The following UBXN10 variants were observed in gnomAD, a reference collection of about 807,000 sequenced individuals.
UBXN10 encodes UBX domain-containing protein 10.
UBXN10 carries 6 observed loss-of-function variants against 6.9 expected under a neutral mutation model. That is an observed-to-expected ratio of 0.87 (90% CI 0.48 to 1.72). The LOEUF (loss-of-function observed/expected upper bound fraction) is 1.72, where lower values mean the gene tolerates loss of function less well. Ranked by LOEUF, UBXN10 falls within the 40% of genes most tolerant of loss-of-function variation. The probability of loss-of-function intolerance (pLI) is 0.01; values close to 1 mark genes in which losing one functional copy is unlikely to be tolerated. For synonymous variants in UBXN10, 131 were observed against 135.2 expected, an observed-to-expected ratio of 0.97 and a Z score of 0.21; for missense variants, 317 against 348.4, an observed-to-expected ratio of 0.91 and a Z score of 0.72.
chr1:20,186,467 G>A (rs1168828463), intron 1 of UBXN10: 2 of 152,440 alleles, frequency 1.3e-5, no homozygotes, highest in Admixed American at 1.3e-4. Context: ...CACAGACCCA[G>A]GGAGAGAAAA....
rs530516595 is a variant in UBXN10, at chr1:20,193,739, G to A, written c.*2335G>A. On this transcript the variant is annotated 3_prime_UTR_variant, in exon 2 of 2. Transcript: ENST00000375099. ...CAGCACTTAGCTTGTCTGGATAAGA[G>A]TCACCTGAATTTTTCCTAAACATCA... is the stretch of plus-strand genomic sequence containing the variant. The A allele has an allele frequency of 4.2e-4, 71 of 167,100 alleles. No individual in the cohort carries two copies. The highest frequency in any genetic ancestry group is 8.2e-4 in the Non-Finnish European group (56 of 68,134). The allele number at this position is 167,100 out of a possible 1,614,324, so 10.4% of individuals were successfully genotyped here.
upstream of UBXN10, among the ~76,000 whole-genome samples, chr1:20,183,346 A>G (rs1440015805): frequency 6.6e-6 from 1 of 152,218 alleles, no homozygotes; most frequent in Non-Finnish European, 1.5e-5. Context: ...CCCCACGACC[A>G]GTGCAACGGA....
At chr1:20,185,977 C>G (rs1001717750), upstream of UBXN10, 2 of 152,318 alleles carry the variant, frequency 1.3e-5, no homozygotes, top group Non-Finnish European at 2.9e-5. Flanking sequence ...TCACGGCCTC[C>G]GCCCTCCTGG....
chr1:20,190,522 T>C, intron 1 of UBXN10, 25 bp from the exon 2 acceptor site: 1 of 1,578,182 alleles, frequency 6.3e-7, no homozygotes, highest in South Asian at 1.2e-5. Flanking sequence ...ACCCACGGAC[T>C]CCTGTTTTTT....
At chr1:20,190,438 G>C in intron 1 of UBXN10, 109 bp from the exon 2 acceptor site, 2 of 1,412,988 alleles carry the variant, frequency 1.4e-6, no homozygotes, top group Non-Finnish European at 1.9e-6. Flanking sequence ...CCCCTTACTA[G>C]ATGCCAGAAA....
rs184099202 is a variant in UBXN10, at chr1:20,192,649, C to T, written c.*1245C>T. On this transcript the variant is annotated 3_prime_UTR_variant, in exon 2 of 2. Transcript: ENST00000375099. ...CCAAATCATCCTTCAGAGTAGGGAA[C>T]ACTCAGACATTCTGTGCATGTTGTT... 6.0e-6 allele frequency: 1 copy of T among 167,192 alleles called. No individual in the cohort carries two copies. The highest frequency in any genetic ancestry group is 6.5e-5 in the Admixed American group (1 of 15,302). 10.4% of individuals were successfully genotyped at this position (167,192 alleles called of 1,614,324 possible).
At chr1:20,185,478 G>A (rs1038846271), upstream of UBXN10, among the ~76,000 whole-genome samples, 4 of 152,188 alleles carry the variant, frequency 2.6e-5, no homozygotes, top group East Asian at 1.9e-4. Flanking sequence ...CAGATACAGC[G>A]GAAGTGACTC....
chr1:20,192,843 T>G lies in UBXN10; in HGVS notation c.*1439T>G, dbSNP rs556671053. On this transcript the variant is annotated 3_prime_UTR_variant, in exon 2 of 2. Transcript: ENST00000375099. ...AAGCTGCATGGTTGGGAGTGTTTTT[T>G]CTCGCACGTTGAGGCTTAGTGGAGA... 2 of 167,232 alleles carry G rather than the reference T, an allele frequency of 1.2e-5. No individual in the cohort carries two copies. Among genetic ancestry groups the G allele is most frequent in the East Asian group, 3.9e-4 (2 of 5,194 alleles). The allele number at this position is 167,232 out of a possible 1,614,324, so 10.4% of individuals were successfully genotyped here. A position where few individuals can be genotyped will look rare whatever the true frequency, so the allele number is the denominator to read the frequency against.
chr1:20,186,700 C>T (rs959027684), intron 1 of UBXN10, among the ~76,000 whole-genome samples: 9 of 150,556 alleles, frequency 6.0e-5, no homozygotes, highest in Non-Finnish European at 1.0e-4. Flanking sequence ...CTGGAATCAT[C>T]CCCAGTTCTC....
At position 20,191,418 on chromosome 1, in the gene UBXN10, C is replaced by T. The variant is rs1274617749; in HGVS notation, c.*14C>T. The T allele has an allele frequency of 6.2e-7, 1 of 1,600,142 alleles. No homozygotes were observed. Among genetic ancestry groups the T allele is most frequent in the African/African-American group, 1.3e-5 (1 of 74,682 alleles). ...GGGTGGCCCTGAGTCCACAGCCACC[C>T]AGCTGAGGTCCTGGGTCTCTGAGCA... On this transcript the variant is annotated 3_prime_UTR_variant, in exon 2 of 2. Transcript: ENST00000375099. The surrounding 1 kb of genome is among the most constrained non-coding windows in gnomAD (Gnocchi z 4.5).
intron 1 of UBXN10, among the ~76,000 whole-genome samples, chr1:20,189,952 T>G (rs1569949193): frequency 1.3e-5 from 2 of 152,198 alleles, no homozygotes; most frequent in East Asian, 3.9e-4. Context: ...AGAATTAGCA[T>G]GCGCCCAGAG....
intron 1 of UBXN10, 52 bp from the exon 2 acceptor site, chr1:20,190,495 G>A: frequency 6.5e-7 from 1 of 1,537,080 alleles, no homozygotes; most frequent in East Asian, 2.3e-5. Flanking sequence ...TTGGATCTAG[G>A]AGTCCCAGGA....
chr1:20,190,709 C>G lies in UBXN10; in HGVS notation c.148C>G (p.Leu50Val). 6.2e-7 allele frequency: 1 copy of G among 1,613,718 alleles called. No individual in the cohort carries two copies. Among genetic ancestry groups the G allele is most frequent in the Non-Finnish European group, 8.5e-7 (1 of 1,179,974 alleles). The stretch of plus-strand genomic sequence containing the variant: ...CGCCAAGGGACGGACAAGACCGAGT[C>G]TGCAGAAATCCCAGGGCGTGGAGGT... Reference protein sequence around the residue: ...KSAKGRTRPSLQKSQGVEVCA... With the variant: ...KSAKGRTRPSVQKSQGVEVCA... Residue 50 changes from leucine to valine, a missense_variant, in exon 2 of 2, where the codon CTG (leucine) becomes GTG (valine). Physicochemically the swap from Leu to Val is conservative, Grantham distance 32. Transcript: ENST00000375099.
intron 1 of UBXN10, chr1:20,186,522 C>T (rs2018396902): frequency 6.6e-6 from 1 of 152,266 alleles, no homozygotes; most frequent in African/African-American, 2.4e-5. Flanking sequence ...ACCAGAGGGC[C>T]CCTCCCCCAG....
chr1:20,184,345 T>C (rs1385672378), upstream of UBXN10: 1 of 152,222 alleles, frequency 6.6e-6, no homozygotes, highest in African/African-American at 2.4e-5. Context: ...CTGAAGAGCA[T>C]CGCTAAGACA....
rs950662243 is a variant in UBXN10 at position 20,192,851 on chromosome 1, G to A, written c.*1447G>A. 3.0e-5 allele frequency: 5 copies of A among 167,150 alleles called. No individual in the cohort carries two copies. Among genetic ancestry groups the A allele is most frequent in the South Asian group, 2.1e-4 (1 of 4,832 alleles). The allele number at this position is 167,150 out of a possible 1,614,324, so 10.4% of individuals were successfully genotyped here. A position where few individuals can be genotyped will look rare whatever the true frequency, so the allele number is the denominator to read the frequency against. ...TGGTTGGGAGTGTTTTTTCTCGCAC[G>A]TTGAGGCTTAGTGGAGATGGGCACC... On this transcript the variant is annotated 3_prime_UTR_variant, in exon 2 of 2. Coordinates refer to ENST00000375099, the MANE Select transcript of UBXN10 (RefSeq NM_152376.5).
chr1:20,188,375 C>A (rs1569947519), intron 1 of UBXN10, among the ~76,000 whole-genome samples: 2 of 152,208 alleles, frequency 1.3e-5, no homozygotes, highest in Admixed American at 1.3e-4. Flanking sequence ...AAGAGGGTAG[C>A]TTTGTCCAAG....
At chr1:20,185,640 C>G (rs1450055026), upstream of UBXN10, among the ~76,000 whole-genome samples, 6 of 152,164 alleles carry the variant, frequency 3.9e-5, no homozygotes, top group Non-Finnish European at 8.8e-5. Context: ...AGGATGGGGG[C>G]CCTGCTCCCC....
chr1:20,187,113 TA>T lies in UBXN10; in HGVS notation c.-16+961del, dbSNP rs2018412787. On this transcript the variant is annotated intron_variant, in intron 1 of 1. Transcript: ENST00000375099. This position sits in a 1 kb window ranked among gnomAD's most constrained non-coding sequence, Gnocchi z 4.6. ...CCCTTAGAAAGCAGGAGCCCTGCTT[TA>T]GCTTCTCCTATCCACATTTCCTTCT... Among the ~76,000 whole-genome samples the T allele has an allele frequency of 6.6e-6, 1 of 152,104 alleles. No individual in the cohort carries two copies. The highest frequency in any genetic ancestry group is 1.5e-5 in the Non-Finnish European group (1 of 68,020).
Sources: allele counts gnomAD v4.1 joint callset (sites outside exome capture counted in the v4.1 genomes callset), GRCh38; gene constraint gnomAD v4.1.1; non-coding constraint Gnocchi (gnomAD v3.1); transcripts MANE v1.5; gene names NCBI Gene and HGNC (gene_info 2026-07-23, HGNC 2026-07-21).